Variants in LRMDA observed in about 807,000 individuals in gnomAD.
LRMDA encodes the protein leucine rich melanocyte differentiation associated, also known as leucine-rich melanocyte differentiation-associated protein.
In LRMDA, 18 loss-of-function variants were observed where a neutral mutation model predicts 29.8. That is an observed-to-expected ratio of 0.60 (90% CI 0.42 to 0.90). The LOEUF (loss-of-function observed/expected upper bound fraction) is 0.90, where lower values mean the gene tolerates loss of function less well. Among genes scored for constraint, LRMDA ranks in the 40% least tolerant of loss-of-function variants. The probability of loss-of-function intolerance (pLI) is 0.00; values close to 1 mark genes in which losing one functional copy is unlikely to be tolerated. For missense variants in LRMDA, 273 were observed against 273.9 expected, an observed-to-expected ratio of 1.00 and a Z score of 0.02; for synonymous variants, 125 against 109.4, an observed-to-expected ratio of 1.14 and a Z score of -0.89.
At chr10:75,551,253 G>T (rs1360612518) in intron 2 of LRMDA, among the ~76,000 whole-genome samples, 1 of 151,212 alleles carries the variant, frequency 6.6e-6, no homozygotes, top group Non-Finnish European at 1.5e-5. Context: ...AAGAAAGTGT[G>T]GTTCAACCTT....
At chr10:76,333,823 G>A (rs1220527385) in intron 6 of LRMDA, among the ~76,000 whole-genome samples, 2 of 152,214 alleles carry the variant, frequency 1.3e-5, no homozygotes, top group Non-Finnish European at 2.9e-5. Flanking sequence ...GAAACATTCT[G>A]TTGCAAACAC....
At chr10:76,143,753 A>G (rs1850254106) in intron 5 of LRMDA, among the ~76,000 whole-genome samples, 1 of 152,226 alleles carries the variant, frequency 6.6e-6, no homozygotes, top group South Asian at 2.1e-4. Context: ...GGTTTTAAAC[A>G]TGAAGTCCTT....
intron 2 of LRMDA, among the ~76,000 whole-genome samples, chr10:75,467,823 T>A (rs1190145823): frequency 6.6e-6 from 1 of 152,050 alleles, no homozygotes; most frequent in African/African-American, 2.4e-5. Context: ...TATCTGGGGC[T>A]GGCGGTGCAT....
chr10:75,466,200 G>A (rs973908073), intron 2 of LRMDA, among the ~76,000 whole-genome samples: 1 of 152,234 alleles, frequency 6.6e-6, no homozygotes, highest in African/African-American at 2.4e-5. Flanking sequence ...GCGTCAGGAA[G>A]GGTTGGTTGG....
rs373702959 is a variant in LRMDA, at chr10:75,433,839, G to GA, written c.30+2094dup. ...AATAAAGGGATGGTTTAAGTGCAAA[G>GA]AAAAAAAAACCCTATGCAATTAAAC... On this transcript the variant is annotated intron_variant, in intron 1 of 6. Transcript: ENST00000611255. Among the ~76,000 whole-genome samples, 37 of 150,936 alleles carry GA rather than the reference G, an allele frequency of 2.5e-4. No individual in the cohort carries two copies. In the South Asian group the frequency reaches 3.2e-3, roughly 13 times the overall value.
At chr10:76,524,633 T>C (rs943667200) in intron 6 of LRMDA, among the ~76,000 whole-genome samples, 3 of 152,252 alleles carry the variant, frequency 2.0e-5, no homozygotes, top group African/African-American at 7.2e-5. Flanking sequence ...AGATCTTTCC[T>C]TTTGAACGGT....
intron 5 of LRMDA, among the ~76,000 whole-genome samples, chr10:76,108,080 T>G (rs2132110238): frequency 6.6e-6 from 1 of 152,264 alleles, no homozygotes; most frequent in Admixed American, 6.5e-5. Context: ...AGTAAGAAAT[T>G]TATACCAAAT....
intron 5 of LRMDA, among the ~76,000 whole-genome samples, chr10:76,298,907 T>A (rs1428141765): frequency 6.6e-6 from 1 of 152,178 alleles, no homozygotes; most frequent in Non-Finnish European, 1.5e-5. Context: ...GGGATGGGAC[T>A]GTATCTCTTC....
chr10:76,284,919 C>G (rs1209772205), intron 5 of LRMDA, among the ~76,000 whole-genome samples: 2 of 152,162 alleles, frequency 1.3e-5, no homozygotes, highest in African/African-American at 4.8e-5. Flanking sequence ...ATTGTGAGGC[C>G]TCCCCATCCA....
At chr10:75,889,098 C>T (rs1292346590) in intron 2 of LRMDA, among the ~76,000 whole-genome samples, 1 of 152,060 alleles carries the variant, frequency 6.6e-6, no homozygotes, top group Admixed American at 6.5e-5. Flanking sequence ...ACATGTATGT[C>T]AAGTGGTATG....
chr10:75,541,886 C>T (rs1272413304), intron 2 of LRMDA, among the ~76,000 whole-genome samples: 1 of 152,146 alleles, frequency 6.6e-6, no homozygotes, highest in African/African-American at 2.4e-5. Context: ...CTCTCCCCAC[C>T]TCTCTCTCCC....
chr10:75,867,108 TTCTC>T (rs1281496882), intron 2 of LRMDA, among the ~76,000 whole-genome samples: 2 of 152,206 alleles, frequency 1.3e-5, no homozygotes, highest in African/African-American at 4.8e-5. Flanking sequence ...TCTCCTTTCT[TTCTC>T]TATCCTGCAC....
At chr10:76,550,568 C>T (rs1843482303) in intron 6 of LRMDA, among the ~76,000 whole-genome samples, 2 of 148,608 alleles carry the variant, frequency 1.3e-5, no homozygotes, top group Non-Finnish European at 3.0e-5. Context: ...GTACCCCATT[C>T]CCACCCAATA....
chr10:76,527,175 T>G (rs997185431), intron 6 of LRMDA, among the ~76,000 whole-genome samples: 1 of 151,948 alleles, frequency 6.6e-6, no homozygotes, highest in Non-Finnish European at 1.5e-5. Context: ...TAGTGAAGGA[T>G]GATTTCATAG....
Position 76,518,314 on chromosome 10 carries a change from TC to T in LRMDA, c.602-38894del, listed in dbSNP as rs1169673192. 1.1e-3 allele frequency among the ~76,000 whole-genome samples: 165 copies of T among 151,582 alleles called. 1 individual carries two copies. Among genetic ancestry groups the T allele is most frequent in the South Asian group, 7.3e-3 (35 of 4,794 alleles). On this transcript the variant is annotated intron_variant, in intron 6 of 6. Coordinates refer to ENST00000611255, the MANE Select transcript of LRMDA (RefSeq NM_001305581.2). ...ATCTATCTATCTATCTATCTATCTA[TC>T]TATCTATCTATCATCTCTATCTGTA... is the stretch of plus-strand genomic sequence containing the variant.
At chr10:76,553,857 C>T (rs1467421506) in intron 6 of LRMDA, among the ~76,000 whole-genome samples, 4 of 152,076 alleles carry the variant, frequency 2.6e-5, no homozygotes, top group Non-Finnish European at 5.9e-5. Context: ...CGGGCGAGCA[C>T]CAGCAGCTGG....
intron 1 of LRMDA, among the ~76,000 whole-genome samples, chr10:75,434,130 G>A (rs894530031): frequency 2.6e-4 from 40 of 152,130 alleles, no homozygotes; most frequent in South Asian, 2.1e-4. Context: ...TTATGACAAC[G>A]TAATACGATC....
At chr10:76,523,255 C>T (rs1843140134) in intron 6 of LRMDA, among the ~76,000 whole-genome samples, 1 of 152,122 alleles carries the variant, frequency 6.6e-6, no homozygotes, top group Admixed American at 6.5e-5. Flanking sequence ...CTCACGCAGA[C>T]TCTTCCTTCT....
At chr10:75,941,625 G>A (rs138599169) in intron 2 of LRMDA, among the ~76,000 whole-genome samples, 1 of 152,170 alleles carries the variant, frequency 6.6e-6, no homozygotes, top group East Asian at 1.9e-4. Flanking sequence ...TGATTGGCTT[G>A]GGTTGCCTAA....
Sources: allele counts gnomAD v4.1 joint callset (sites outside exome capture counted in the v4.1 genomes callset), GRCh38; gene constraint gnomAD v4.1.1; transcripts MANE v1.5; gene names NCBI Gene and HGNC (gene_info 2026-07-23, HGNC 2026-07-21).